The following UBE2K variants were observed in gnomAD, a reference collection of about 807,000 sequenced individuals.
UBE2K encodes ubiquitin conjugating enzyme E2 K.
UBE2K carries 6 observed loss-of-function variants against 30.0 expected under a neutral mutation model. The ratio of observed to expected loss-of-function variants is 0.20; its 90% CI spans 0.11 to 0.39. The LOEUF (loss-of-function observed/expected upper bound fraction) is 0.39. UBE2K is among the 10% of genes least tolerant of loss of function. The pLI is 1.00. For missense variants in UBE2K, 61 were observed against 241.6 expected, an observed-to-expected ratio of 0.25 and a Z score of 4.96; for synonymous variants, 86 against 83.7, an observed-to-expected ratio of 1.03 and a Z score of -0.15.
At position 39,698,254 on chromosome 4, in the gene UBE2K, G is replaced by A; in HGVS notation, c.-74G>A. ...ATCGCCGAGGGAGGAGGCGGTGGAG[G>A]AAGAGGTGGCGGCGGTGGCGGTGGT... On this transcript the variant is annotated 5_prime_UTR_variant, in exon 1 of 7. Coordinates refer to ENST00000261427, the MANE Select transcript of UBE2K (RefSeq NM_005339.5). 1.4e-6 allele frequency: 2 copies of A among 1,439,422 alleles called. No homozygotes were observed. The highest frequency in any genetic ancestry group is 1.9e-6 in the Non-Finnish European group (2 of 1,036,576). 89.2% of individuals were successfully genotyped at this position (1,439,422 alleles called of 1,614,324 possible).
At chr4:39,725,377 CAAAAAAAAAAAAAAAAAA>C (rs56021137) in intron 1 of UBE2K, among the ~76,000 whole-genome samples, 2 of 69,276 alleles carry the variant, frequency 2.9e-5, no homozygotes, top group African/African-American at 1.2e-4. Flanking sequence ...GACCCTGTCT[CAAAAAAAAAAAAAAAAAA>C]AAAAAAAAAA....
At chr4:39,704,860 A>C (rs1156235862) in intron 1 of UBE2K, among the ~76,000 whole-genome samples, 2 of 143,634 alleles carry the variant, frequency 1.4e-5, no homozygotes, top group Non-Finnish European at 3.0e-5. Flanking sequence ...CTTCTTAAAG[A>C]CTATACACCT....
At chr4:39,739,090 C>T (rs965472393) in intron 2 of UBE2K, among the ~76,000 whole-genome samples, 1 of 151,386 alleles carries the variant, frequency 6.6e-6, no homozygotes, top group Admixed American at 6.6e-5. Context: ...TGCAGTGGCG[C>T]GATCTCGGCT....
chr4:39,780,725 T>C lies in UBE2K; in HGVS notation c.*2291T>C, dbSNP rs1255410454. The C allele has an allele frequency of 6.6e-6, 1 of 152,116 alleles. No homozygotes were observed. Among genetic ancestry groups the C allele is most frequent in the African/African-American group, 2.4e-5 (1 of 41,450 alleles). 9.4% of individuals were successfully genotyped at this position (152,116 alleles called of 1,614,324 possible). On this transcript the variant is annotated 3_prime_UTR_variant, in exon 7 of 7. Coordinates refer to ENST00000261427, the MANE Select transcript of UBE2K (RefSeq NM_005339.5). ...CTGGTATATTTCCCACTGTACTGTT[T>C]GGTTTTTGTTATTCTCTTGTCTGTG...
intron 2 of UBE2K, among the ~76,000 whole-genome samples, chr4:39,738,263 CA>C (rs1394307569): frequency 6.6e-6 from 1 of 151,376 alleles, no homozygotes; most frequent in Non-Finnish European, 1.5e-5. Context: ...CCTAATTATA[CA>C]GTCTTTACAT....
At chr4:39,729,467 C>A (rs550147055) in intron 1 of UBE2K, among the ~76,000 whole-genome samples, 1 of 152,216 alleles carries the variant, frequency 6.6e-6, no homozygotes, top group East Asian at 1.9e-4. Context: ...ATCCACCCAG[C>A]AAAAAATCCC....
chr4:39,719,141 C>G (rs541377904), intron 1 of UBE2K, among the ~76,000 whole-genome samples: 1 of 152,362 alleles, frequency 6.6e-6, no homozygotes, highest in African/African-American at 2.4e-5. Flanking sequence ...ATACCTCAGA[C>G]TTTCAGTCTC....
intron 4 of UBE2K, among the ~76,000 whole-genome samples, chr4:39,769,072 T>A (rs1228169237): frequency 6.6e-6 from 1 of 152,098 alleles, no homozygotes; most frequent in Non-Finnish European, 1.5e-5. Flanking sequence ...GTTCAGGTGA[T>A]CTGCCCACCT....
intron 1 of UBE2K, chr4:39,713,833 A>C (rs948663279): frequency 4.0e-5 from 6 of 151,348 alleles, no homozygotes; most frequent in Non-Finnish European, 8.8e-5. Flanking sequence ...TACTTTCTTC[A>C]TTTTTGTTTA....
In UBE2K at chr4:39,771,134, TGAC is replaced by T. The variant is rs1214729404; in HGVS notation, c.300-3697_300-3695del. The T allele has an allele frequency of 3.1e-6, 5 of 1,612,606 alleles. No homozygotes were observed. In the African/African-American group the frequency reaches 5.3e-5, roughly 17 times the overall value. The stretch of plus-strand genomic sequence containing the variant: ...AGGTAGGAGGTGGCTGTAAGATAGT[TGAC>T]GATGTCCCTAACAGCGAATTCCAGG... On this transcript the variant is annotated intron_variant, in intron 4 of 6. Transcript: ENST00000261427.
Position 39,774,934 on chromosome 4 carries a change from G to A in UBE2K, c.399+1G>A. 6.3e-7 allele frequency: 1 copy of A among 1,593,144 alleles called. No homozygotes were observed. The highest frequency in any genetic ancestry group is 8.6e-7 in the Non-Finnish European group (1 of 1,167,578). Reference sequence around the variant, plus strand: ...ACAGGATGCTGTAGTAGCAAATCAGGTAAGATGGCCGCTTTTGAAAGACTT... The same window carrying A: ...ACAGGATGCTGTAGTAGCAAATCAGATAAGATGGCCGCTTTTGAAAGACTT... On this transcript the variant is annotated splice_donor_variant, in intron 5 of 6. Transcript: ENST00000261427. LOFTEE classifies it high-confidence loss of function.
chr4:39,760,402 T>G (rs943913693), intron 4 of UBE2K, among the ~76,000 whole-genome samples: 1 of 152,058 alleles, frequency 6.6e-6, no homozygotes, highest in African/African-American at 2.4e-5. Flanking sequence ...GGAAATAACT[T>G]AGATGTCTCA....
At position 39,739,096 on chromosome 4, in the gene UBE2K, C is replaced by T. The variant is rs185454204; in HGVS notation, c.157+1583C>T. Among the ~76,000 whole-genome samples the T allele has an allele frequency of 2.9e-3, 433 of 151,362 alleles. 2 individuals are homozygous for T. The highest frequency in any genetic ancestry group is 0.014 in the Middle Eastern group (4 of 290). On this transcript the variant is annotated intron_variant, in intron 2 of 6. Coordinates refer to ENST00000261427, the MANE Select transcript of UBE2K (RefSeq NM_005339.5). The stretch of plus-strand genomic sequence containing the variant: ...AGCCTGGAGTGCAGTGGCGCGATCT[C>T]GGCTCACTGCAAGCTTCGCCTCCTG...
chr4:39,774,740 T>C (rs942309364), intron 4 of UBE2K, 94 bp from the exon 5 acceptor site: 2 of 564,436 alleles, frequency 3.5e-6, no homozygotes, highest in Non-Finnish European at 5.6e-6. Flanking sequence ...AAGTAACTTT[T>C]AGCTCTACAA....
rs554296315 is a variant in UBE2K, at chr4:39,770,381, C to T, written c.300-4453C>T. ...TGAACTCCTTGCCACAGCGAGGGCA[C>T]ATGAAGATGAAGTGCTGCTGCCGCA... is the stretch of plus-strand genomic sequence containing the variant. On this transcript the variant is annotated intron_variant, in intron 4 of 6. Transcript: ENST00000261427. 6 of 1,613,410 alleles carry T rather than the reference C, an allele frequency of 3.7e-6. No individual in the cohort carries two copies. In the South Asian group the frequency reaches 6.6e-5, roughly 18 times the overall value.
chr4:39,742,696 G>A (rs1238543824), intron 2 of UBE2K, among the ~76,000 whole-genome samples: 3 of 152,080 alleles, frequency 2.0e-5, no homozygotes, highest in East Asian at 1.9e-4. Flanking sequence ...AGCCGAGATC[G>A]CACCATTGCA....
chr4:39,741,441 A>G (rs1268486704), intron 2 of UBE2K, among the ~76,000 whole-genome samples: 1 of 152,248 alleles, frequency 6.6e-6, no homozygotes, highest in Non-Finnish European at 1.5e-5. Context: ...ATTCAAGGAC[A>G]TAAACTTTAA....
chr4:39,705,520 C>T (rs915988492), intron 1 of UBE2K, among the ~76,000 whole-genome samples: 1 of 151,808 alleles, frequency 6.6e-6, no homozygotes, highest in African/African-American at 2.4e-5. Context: ...CTCTTATTTC[C>T]CGTGAATACA....
intron 4 of UBE2K, among the ~76,000 whole-genome samples, chr4:39,761,656 T>C (rs1460799126): frequency 6.6e-6 from 1 of 152,194 alleles, no homozygotes; most frequent in East Asian, 1.9e-4. Flanking sequence ...GGATTTGTTA[T>C]AATAGATTTA....
Sources: allele counts gnomAD v4.1 joint callset (sites outside exome capture counted in the v4.1 genomes callset), GRCh38; gene constraint gnomAD v4.1.1; transcripts MANE v1.5; gene names NCBI Gene and HGNC (gene_info 2026-07-23, HGNC 2026-07-21).